AKAP12: variants seen among roughly 807,000 people sequenced by gnomAD.
AKAP12 encodes A-kinase anchoring protein 12.
A neutral mutation model predicts 79.9 loss-of-function variants in AKAP12; 32 were observed. The observed-to-expected ratio is 0.40, with a 90% CI of 0.30 to 0.54. The LOEUF is 0.54. Among genes scored for constraint, AKAP12 ranks in the 20% least tolerant of loss-of-function variants. The pLI, the probability that AKAP12 is intolerant of heterozygous loss-of-function variation, is 0.48. For missense variants in AKAP12, 2,074 were observed against 2,177.0 expected (o/e 0.95, Z 0.94); for synonymous variants, 808 against 857.0 (o/e 0.94, Z 1.00).
chr6:151,337,013 T>TG (rs1458775151), intron 3 of AKAP12, among the ~76,000 whole-genome samples: 1 of 151,996 alleles, frequency 6.6e-6, no homozygotes, highest in Non-Finnish European at 1.5e-5. Flanking sequence ...CTCTCTTTGG[T>TG]GGGGGAAAGT....
chr6:151,335,689 C>T (rs759208449), intron 3 of AKAP12, among the ~76,000 whole-genome samples: 3 of 152,114 alleles, frequency 2.0e-5, no homozygotes, highest in Non-Finnish European at 4.4e-5. Flanking sequence ...CAAAGCTGGT[C>T]TCAGACTCCT....
At chr6:151,325,715 C>A in intron 3 of AKAP12, 1 of 1,498,042 alleles carries the variant, frequency 6.7e-7, no homozygotes, top group South Asian at 1.3e-5. Flanking sequence ...CTCCGGTTCT[C>A]CCCCATCCTC....
At position 151,240,786 on chromosome 6, in the gene AKAP12, TGG is replaced by T. The variant is rs5880922; in HGVS notation, c.162+68_162+69del. The T allele has an allele frequency of 6.6e-5, 16 of 241,182 alleles. 1 individual carries two copies. In the South Asian group the frequency reaches 1.5e-3, roughly 23 times the overall value. 14.9% of individuals were successfully genotyped at this position (241,182 alleles called of 1,614,324 possible). ...GGGTCTTTGGGGGTGGGGGTGGGGGTGGGGGGGTCCCTCCGATTTCCGCCGAG... is the reference window on the plus strand; with the variant it reads ...GGGTCTTTGGGGGTGGGGGTGGGGGTGGGGGTCCCTCCGATTTCCGCCGAG... On this transcript the variant is annotated intron_variant, in intron 2 of 4. Transcript: ENST00000402676.
At chr6:151,348,268 T>G (rs1778162111) in intron 3 of AKAP12, 2 of 423,654 alleles carry the variant, frequency 4.7e-6, no homozygotes, top group African/African-American at 4.4e-5. Context: ...GAGGTTGCAG[T>G]GAACCGAGAT....
Position 151,349,857 on chromosome 6 carries a change from T to C in AKAP12, c.1466T>C (p.Leu489Pro). The C allele has an allele frequency of 6.2e-7, 1 of 1,614,170 alleles. No individual in the cohort carries two copies. Among genetic ancestry groups the C allele is most frequent in the Non-Finnish European group, 8.5e-7 (1 of 1,180,036 alleles). The change falls in exon 4 of 5, where the codon CTG becomes CCG. Residue 489 changes from leucine (L) to proline (P), a missense_variant. Transcript: ENST00000402676. ...GACCTCAGTCCTGATGAGAAGGTGC[T>C]GTCCAAACCCCCCGAAGGCGTTGTG... is the stretch of plus-strand genomic sequence containing the variant. ...GADLSPDEKV[L>P]SKPPEGVVSE...
chr6:151,333,753 AAAATG>A (rs1321457962), intron 3 of AKAP12, among the ~76,000 whole-genome samples: 9 of 151,582 alleles, frequency 5.9e-5, no homozygotes, highest in African/African-American at 2.2e-4. Flanking sequence ...AAAAAAAAAA[AAAATG>A]AAAGGTTTCT....
chr6:151,267,185 T>C (rs1359500760), intron 2 of AKAP12, among the ~76,000 whole-genome samples: 1 of 151,904 alleles, frequency 6.6e-6, no homozygotes, highest in East Asian at 1.9e-4. Context: ...TGAGGGAGAA[T>C]ATAGCTTATA....
At chr6:151,263,545 A>C (rs1263953815) in intron 2 of AKAP12, among the ~76,000 whole-genome samples, 1 of 150,936 alleles carries the variant, frequency 6.6e-6, no homozygotes. Context: ...CTTCATTTTT[A>C]CTCACTATAC....
At chr6:151,254,210 C>T (rs1166965359) in intron 2 of AKAP12, among the ~76,000 whole-genome samples, 3 of 134,504 alleles carry the variant, frequency 2.2e-5, no homozygotes, top group Non-Finnish European at 3.2e-5. Context: ...CTGACAAAAG[C>T]AGTGGAATAA....
chr6:151,353,988 T>TGAC (rs1311833605), intron 4 of AKAP12, among the ~76,000 whole-genome samples: 1 of 152,156 alleles, frequency 6.6e-6, no homozygotes, highest in African/African-American at 2.4e-5. Context: ...CCTCCTAATG[T>TGAC]GACTGCTTTA....
intron 2 of AKAP12, among the ~76,000 whole-genome samples, chr6:151,276,508 A>T (rs1005002549): frequency 1.3e-5 from 2 of 152,242 alleles, no homozygotes; most frequent in African/African-American, 4.8e-5. Context: ...TTGAGAAAGG[A>T]TGGCTAATTA....
intron 2 of AKAP12, among the ~76,000 whole-genome samples, chr6:151,295,473 T>C (rs1326619321): frequency 6.6e-6 from 1 of 152,158 alleles, no homozygotes; most frequent in African/African-American, 2.4e-5. Context: ...ACTCTCTGTC[T>C]AGTATTTATA....
At chr6:151,277,879 A>T (rs1041199421) in intron 2 of AKAP12, among the ~76,000 whole-genome samples, 1 of 152,092 alleles carries the variant, frequency 6.6e-6, no homozygotes, top group African/African-American at 2.4e-5. Flanking sequence ...AGCATTAATC[A>T]TTGAAATACG....
intron 3 of AKAP12, among the ~76,000 whole-genome samples, chr6:151,306,458 G>A (rs1411637115): frequency 6.6e-6 from 1 of 152,152 alleles, no homozygotes; most frequent in Non-Finnish European, 1.5e-5. Flanking sequence ...AGAGCATGTG[G>A]CCCAGTAAGT....
At chr6:151,272,338 CT>C (rs1367804621) in intron 2 of AKAP12, among the ~76,000 whole-genome samples, 1 of 125,384 alleles carries the variant, frequency 8.0e-6, no homozygotes, top group Non-Finnish European at 1.6e-5. Flanking sequence ...CAGTGAGACC[CT>C]GTTTCAAAAA....
chr6:151,250,808 G>A (rs202200218), intron 2 of AKAP12, among the ~76,000 whole-genome samples: 2 of 151,764 alleles, frequency 1.3e-5, no homozygotes, highest in Non-Finnish European at 2.9e-5. Flanking sequence ...GGGTTTCACC[G>A]TGTTAGCCAG....
At chr6:151,272,070 G>A (rs1188820187) in intron 2 of AKAP12, among the ~76,000 whole-genome samples, 1 of 152,120 alleles carries the variant, frequency 6.6e-6, no homozygotes, top group Non-Finnish European at 1.5e-5. Flanking sequence ...GCCAGGCATG[G>A]TGGCTCATGC....
chr6:151,304,279 C>G (rs1465855317), intron 2 of AKAP12, among the ~76,000 whole-genome samples: 2 of 151,596 alleles, frequency 1.3e-5, no homozygotes, highest in Non-Finnish European at 2.9e-5. Context: ...CACTTGAGGT[C>G]AGGAGTCTGA....
chr6:151,350,394 A>AGCCAAAGCCGGAAGT lies in AKAP12; in HGVS notation c.2003_2004insGCCAAAGCCGGAAGT (p.Lys670_Arg671insProGluValProLys). ...AGCGTGGAAGAGCCAAAGCCGGAAG[A>AGCCAAAGCCGGAAGT]ACCAAAGCGCAAGGTGGATACCTCA... On this transcript the variant is annotated inframe_insertion, in exon 4 of 5. Transcript: ENST00000402676. The surrounding 1 kb of genome is among the most constrained non-coding windows in gnomAD (Gnocchi z 4.8). The AGCCAAAGCCGGAAGT allele has an allele frequency of 6.2e-6, 10 of 1,613,998 alleles. No homozygotes were observed. The highest frequency in any genetic ancestry group is 8.5e-6 in the Non-Finnish European group (10 of 1,180,028).
Sources: allele counts gnomAD v4.1 joint callset (sites outside exome capture counted in the v4.1 genomes callset), GRCh38; gene constraint gnomAD v4.1.1; non-coding constraint Gnocchi (gnomAD v3.1); transcripts MANE v1.5; gene names NCBI Gene and HGNC (gene_info 2026-07-23, HGNC 2026-07-21).